The following RGS7BP variants were observed in gnomAD, a reference collection of about 807,000 sequenced individuals.
The protein encoded by RGS7BP is regulator of G protein signaling 7 binding protein, also known as regulator of G protein signaling 7-binding protein.
A neutral mutation model predicts 31.3 loss-of-function variants in RGS7BP; 9 were observed. The observed-to-expected ratio is 0.29, with a 90% CI of 0.17 to 0.50. RGS7BP has a LOEUF of 0.50. RGS7BP is among the 20% of genes least tolerant of loss of function. RGS7BP has a pLI of 0.98. For synonymous variants in RGS7BP, 115 were observed against 120.1 expected, an observed-to-expected ratio of 0.96 and a Z score of 0.28; for missense variants, 274 against 322.0, an observed-to-expected ratio of 0.85 and a Z score of 1.14.
chr5:64,606,761 A>G lies in RGS7BP; in HGVS notation c.683-2400A>G, dbSNP rs539165947. Among the ~76,000 whole-genome samples, 4 of 152,238 alleles carry G rather than the reference A, an allele frequency of 2.6e-5. No homozygotes were observed. In the South Asian group the frequency reaches 6.2e-4, roughly 24 times the overall value. On this transcript the variant is annotated intron_variant, in intron 5 of 5. Coordinates refer to ENST00000334025, the MANE Select transcript of RGS7BP (RefSeq NM_001029875.3). ...CTCTGAGATGTTCTCCTGAAAACTGAGGCTAATGTTTAGTATCTAACACTG... is the reference window on the plus strand; with the variant it reads ...CTCTGAGATGTTCTCCTGAAAACTGGGGCTAATGTTTAGTATCTAACACTG...
At chr5:64,509,345 T>C (rs1748771866) in intron 2 of RGS7BP, among the ~76,000 whole-genome samples, 1 of 152,172 alleles carries the variant, frequency 6.6e-6, no homozygotes, top group South Asian at 2.1e-4. Context: ...GTGTCCTAGA[T>C]TATAGGATGG....
At chr5:64,516,825 A>C (rs1580387444) in intron 2 of RGS7BP, among the ~76,000 whole-genome samples, 1 of 152,266 alleles carries the variant, frequency 6.6e-6, no homozygotes, top group South Asian at 2.1e-4. Flanking sequence ...GGAAGCTTTA[A>C]AAATTTGCTG....
chr5:64,554,062 A>T (rs1561332651), intron 2 of RGS7BP, among the ~76,000 whole-genome samples: 1 of 152,134 alleles, frequency 6.6e-6, no homozygotes, highest in Non-Finnish European at 1.5e-5. Context: ...TGACCCTCCA[A>T]ATCTGCTCTT....
chr5:64,589,162 G>A (rs565694453), intron 3 of RGS7BP, among the ~76,000 whole-genome samples: 3 of 151,964 alleles, frequency 2.0e-5, no homozygotes, highest in Non-Finnish European at 2.9e-5. Flanking sequence ...CGGGCATGGT[G>A]GTACACACCT....
chr5:64,530,956 T>G (rs1272356075), intron 2 of RGS7BP, among the ~76,000 whole-genome samples: 2 of 152,182 alleles, frequency 1.3e-5, no homozygotes, highest in African/African-American at 2.4e-5. Context: ...CTGGCCAGGA[T>G]GTTGCCCTAG....
At chr5:64,570,324 C>T (rs1742275043) in intron 2 of RGS7BP, among the ~76,000 whole-genome samples, 1 of 152,082 alleles carries the variant, frequency 6.6e-6, no homozygotes. Context: ...CCTTGAGATA[C>T]TTCATATAGG....
At chr5:64,600,770 G>A (rs537299021) in intron 5 of RGS7BP, among the ~76,000 whole-genome samples, 12 of 152,322 alleles carry the variant, frequency 7.9e-5, no homozygotes, top group Non-Finnish European at 1.6e-4. Flanking sequence ...CCCTTAGCAT[G>A]TGACAATACA....
intron 2 of RGS7BP, among the ~76,000 whole-genome samples, chr5:64,524,308 T>A (rs1273742571): frequency 6.6e-6 from 1 of 152,204 alleles, no homozygotes; most frequent in Non-Finnish European, 1.5e-5. Flanking sequence ...AGATTTAATG[T>A]ACCCCATCCA....
chr5:64,593,670 C>G (rs1159419203), intron 3 of RGS7BP, among the ~76,000 whole-genome samples: 2 of 152,118 alleles, frequency 1.3e-5, no homozygotes, highest in Non-Finnish European at 2.9e-5. Flanking sequence ...TTGTTTAACT[C>G]CAGCACTGTA....
At chr5:64,536,451 A>T (rs911605344) in intron 2 of RGS7BP, among the ~76,000 whole-genome samples, 7 of 152,228 alleles carry the variant, frequency 4.6e-5, no homozygotes, top group Non-Finnish European at 5.9e-5. Flanking sequence ...TCACAATAAA[A>T]AATCCAAATA....
chr5:64,586,317 C>T (rs1742750489), intron 3 of RGS7BP, among the ~76,000 whole-genome samples: 1 of 152,058 alleles, frequency 6.6e-6, no homozygotes, highest in Non-Finnish European at 1.5e-5. Context: ...CCCCACCTCG[C>T]CTGCCCTTAT....
At chr5:64,578,453 G>T (rs1474963162) in intron 3 of RGS7BP, among the ~76,000 whole-genome samples, 1 of 152,180 alleles carries the variant, frequency 6.6e-6, no homozygotes, top group South Asian at 2.1e-4. Flanking sequence ...ACATGCAGAT[G>T]CCTGGATCCT....
chr5:64,558,978 T>C (rs1320536094), intron 2 of RGS7BP, among the ~76,000 whole-genome samples: 1 of 152,180 alleles, frequency 6.6e-6, no homozygotes, highest in Non-Finnish European at 1.5e-5. Context: ...AAGATGTTTA[T>C]CAATGACAAT....
At position 64,609,726 on chromosome 5, in the gene RGS7BP, T is replaced by A. The variant is rs1040419086; in HGVS notation, c.*474T>A. ...TGTTCAAAAATCCAATCTATCAATA[T>A]CATTAGAAATAATATTATAAGCAAA... On this transcript the variant is annotated 3_prime_UTR_variant, in exon 6 of 6. Coordinates refer to ENST00000334025, the MANE Select transcript of RGS7BP (RefSeq NM_001029875.3). The A allele has an allele frequency of 3.2e-5, 5 of 154,780 alleles. No homozygotes were observed. Among genetic ancestry groups the A allele is most frequent in the Admixed American group, 1.3e-4 (2 of 15,696 alleles). 9.6% of individuals were successfully genotyped at this position (154,780 alleles called of 1,614,324 possible). A position where few individuals can be genotyped will look rare whatever the true frequency, so the allele number is the denominator to read the frequency against.
chr5:64,571,979 A>G (rs1227758680), intron 2 of RGS7BP, among the ~76,000 whole-genome samples: 1 of 152,124 alleles, frequency 6.6e-6, no homozygotes, highest in Non-Finnish European at 1.5e-5. Flanking sequence ...AATAATCACA[A>G]TCTAGTCGCT....
At chr5:64,553,410 G>A (rs774397746) in intron 2 of RGS7BP, among the ~76,000 whole-genome samples, 5 of 152,006 alleles carry the variant, frequency 3.3e-5, no homozygotes, top group Admixed American at 2.6e-4. Context: ...GACCTCAGGT[G>A]ATCCACCTGC....
chr5:64,575,297 C>CCTTG (rs1742390279), intron 2 of RGS7BP, among the ~76,000 whole-genome samples: 1 of 152,026 alleles, frequency 6.6e-6, no homozygotes, highest in South Asian at 2.1e-4. Context: ...TAGACTGAGA[C>CCTTG]AAAAAACCTT....
At chr5:64,512,316 G>A (rs563631794) in intron 2 of RGS7BP, among the ~76,000 whole-genome samples, 1 of 152,208 alleles carries the variant, frequency 6.6e-6, no homozygotes, top group Non-Finnish European at 1.5e-5. Flanking sequence ...AATCAGATTA[G>A]ACCAGGCTTT....
At chr5:64,525,071 G>T (rs1419166019) in intron 2 of RGS7BP, among the ~76,000 whole-genome samples, 1 of 151,900 alleles carries the variant, frequency 6.6e-6, no homozygotes, top group Non-Finnish European at 1.5e-5. Flanking sequence ...TTTATTCTAG[G>T]GTCCAGGTGG....
Sources: gnomAD v4.1 joint callset for allele counts (sites outside exome capture counted in the v4.1 genomes callset) on GRCh38, gnomAD v4.1.1 for gene constraint, MANE v1.5 for transcripts, NCBI Gene and HGNC (gene_info 2026-07-23, HGNC 2026-07-21) for gene names.